DNAH10: variants seen among roughly 807,000 people sequenced by gnomAD.
The protein encoded by DNAH10 is dynein axonemal heavy chain 10, also known as axonemal beta dynein heavy chain 10.
DNAH10 carries 348 observed loss-of-function variants against 506.6 expected under a neutral mutation model. The ratio of observed to expected loss-of-function variants is 0.69; its 90% CI spans 0.63 to 0.75. The LOEUF (loss-of-function observed/expected upper bound fraction) is 0.75, where lower values mean the gene tolerates loss of function less well. Among genes scored for constraint, DNAH10 ranks in the 30% least tolerant of loss-of-function variants. DNAH10 has a pLI of 0.00. For missense variants in DNAH10, 5,179 were observed against 5,787.1 expected, an observed-to-expected ratio of 0.89 and a Z score of 3.41; for synonymous variants, 2,059 against 2,198.6, an observed-to-expected ratio of 0.94 and a Z score of 1.78.
chr12:123,808,719 T>G (rs1958810069), intron 18 of DNAH10, 78 bp from the exon 19 acceptor site: 1 of 1,512,712 alleles, frequency 6.6e-7, no homozygotes, highest in African/African-American at 1.4e-5. Flanking sequence ...TTTGTGGCCC[T>G]GGTCATTTCC....
In DNAH10 at chr12:123,771,461, T is replaced by G. The variant is rs1280673101; in HGVS notation, c.299-140T>G. On this transcript the variant is annotated intron_variant, in intron 2 of 78. Transcript: ENST00000673944. Reference sequence around the variant, plus strand: ...GAGTCAAGGCCACAATTTGATTGATTGGAACAGAAGGTATGCACAGCTATT... The same window carrying G: ...GAGTCAAGGCCACAATTTGATTGATGGGAACAGAAGGTATGCACAGCTATT... The G allele has an allele frequency of 1.1e-5, 8 of 699,836 alleles. No homozygotes were observed. The East Asian group carries it at 2.2e-4, about 19-fold the overall frequency. 43.4% of individuals were successfully genotyped at this position (699,836 alleles called of 1,614,324 possible).
intron 30 of DNAH10, among the ~76,000 whole-genome samples, chr12:123,842,067 G>C (rs887215392): frequency 2.6e-5 from 4 of 152,208 alleles, no homozygotes; most frequent in African/African-American, 9.6e-5. Flanking sequence ...CTCAAAGTGT[G>C]CCCCCTGGTG....
intron 10 of DNAH10, among the ~76,000 whole-genome samples, chr12:123,788,924 CAAAA>C (rs1200548876): frequency 1.2e-4 from 8 of 66,602 alleles, no homozygotes; most frequent in Non-Finnish European, 1.2e-4. Context: ...GACCTTGCTT[CAAAA>C]AAAAAAAAAA....
chr12:123,896,128 CACACACACACACACACACACAGAGAGAG>C (rs1192256197), intron 54 of DNAH10, among the ~76,000 whole-genome samples: 2,012 of 115,024 alleles, frequency 0.017, 48 homozygotes, highest in African/African-American at 0.07. Flanking sequence ...CACACACACA[CACACACACACACACACACACAGAGAGAG>C]AGAGAGAGAG....
intron 41 of DNAH10, among the ~76,000 whole-genome samples, chr12:123,866,403 C>G (rs1951812633): frequency 6.6e-6 from 1 of 151,734 alleles, no homozygotes; most frequent in Admixed American, 6.6e-5. Context: ...GCCACCACGA[C>G]CGGCTAATTT....
intron 36 of DNAH10, among the ~76,000 whole-genome samples, 157 bp from the exon 37 acceptor site, chr12:123,856,899 A>G (rs976578049): frequency 6.6e-6 from 1 of 150,694 alleles, no homozygotes; most frequent in Non-Finnish European, 1.5e-5. Context: ...AAATTATGTA[A>G]TTTTAAATGT....
intron 54 of DNAH10, 47 bp from the exon 55 acceptor site, chr12:123,897,723 T>C (rs755828706): frequency 6.3e-7 from 1 of 1,587,134 alleles, no homozygotes; most frequent in South Asian, 1.2e-5. Flanking sequence ...AGACCCTGTG[T>C]CGAAAAAGAA....
intron 51 of DNAH10, among the ~76,000 whole-genome samples, chr12:123,886,930 C>T (rs370297765): frequency 9.8e-4 from 149 of 152,268 alleles, no homozygotes; most frequent in African/African-American, 3.5e-3. Flanking sequence ...GTACATTCTT[C>T]CCCCCTTTCC....
chr12:123,903,365 C>CCCAG lies in DNAH10; in HGVS notation c.9815+253_9815+256dup, dbSNP rs1471799006. Among the ~76,000 whole-genome samples, 2 of 152,202 alleles carry CCCAG rather than the reference C, an allele frequency of 1.3e-5. No homozygotes were observed. Among genetic ancestry groups the CCCAG allele is most frequent in the Non-Finnish European group, 2.9e-5 (2 of 68,034 alleles). On this transcript the variant is annotated intron_variant, in intron 57 of 78. Coordinates refer to ENST00000673944, the MANE Select transcript of DNAH10 (RefSeq NM_001372106.1). The surrounding 1 kb of genome is among the most constrained non-coding windows in gnomAD (Gnocchi z 4.6). ...GGAAGCAGGGCCTGCTGACCTTGAA[C>CCCAG]CCAGGCCAAGGGAAGGATGGAGTGG...
At chr12:123,856,972 GTGTTACCAC>G in intron 36 of DNAH10, 75 bp from the exon 37 acceptor site, 1 of 958,788 alleles carries the variant, frequency 1.0e-6, no homozygotes, top group Non-Finnish European at 1.5e-6. Context: ...TTTCATAAGA[GTGTTACCAC>G]TGGGTTGGAA....
Position 123,762,417 on chromosome 12 carries a change from C to T in DNAH10, c.81C>T (p.Asp27=). 7.1e-7 allele frequency: 1 copy of T among 1,413,582 alleles called. No homozygotes were observed. 87.6% of individuals were successfully genotyped at this position (1,413,582 alleles called of 1,614,324 possible). ...TCACCGACCCCCAGCTTTTCGAGGA[C>T]CTGCTCAACCGCGACGACGGCCAGG... ...FGITDPQLFE[D]LLNRDDGQGE... The change falls in exon 1 of 79, where the codon GAC becomes GAT. Residue 27 remains aspartate (D), a synonymous_variant. Coordinates refer to ENST00000673944, the MANE Select transcript of DNAH10 (RefSeq NM_001372106.1). The surrounding 1 kb of genome is among the most constrained non-coding windows in gnomAD (Gnocchi z 5.0).
intron 54 of DNAH10, among the ~76,000 whole-genome samples, chr12:123,896,126 CACACACACACACACACACACACAG>C (rs1953211190): frequency 9.5e-6 from 1 of 105,174 alleles, no homozygotes; most frequent in African/African-American, 5.3e-5. Context: ...CACACACACA[CACACACACACACACACACACACAG>C]AGAGAGAGAG....
intron 48 of DNAH10, among the ~76,000 whole-genome samples, chr12:123,878,264 C>G (rs937058044): frequency 3.9e-5 from 6 of 152,118 alleles, no homozygotes; most frequent in Admixed American, 3.9e-4. Context: ...GGATGTGTGT[C>G]TTTATGAGAA....
chr12:123,802,217 G>T (rs1361129985), intron 16 of DNAH10, among the ~76,000 whole-genome samples: 1 of 152,216 alleles, frequency 6.6e-6, no homozygotes, highest in African/African-American at 2.4e-5. Flanking sequence ...ACAGGGTTTT[G>T]TGTGACAGGA....
At chr12:123,873,856 C>A in intron 46 of DNAH10, 146 bp downstream of exon 46, 1 of 1,086,588 alleles carries the variant, frequency 9.2e-7, no homozygotes, top group Non-Finnish European at 1.2e-6. Context: ...GGGGAGCCAG[C>A]CTAAGGCAGA....
rs766482705 is a variant in DNAH10, at chr12:123,851,007, C to T, written c.6222C>T (p.Val2074=). The change falls in exon 35 of 79, where the codon GTC becomes GTT. Residue 2074 remains valine (V), a synonymous_variant. Coordinates refer to ENST00000673944, the MANE Select transcript of DNAH10 (RefSeq NM_001372106.1). Reference sequence around the variant, plus strand: ...TGAAGGCGCTGTTCAGGCCTGTGGTCGTGATCGTGCCCGACCTGCAGCAGA... The same window carrying T: ...TGAAGGCGCTGTTCAGGCCTGTGGTTGTGATCGTGCCCGACCTGCAGCAGA... ...ESVKALFRPV[V]VIVPDLQQIC... 21 of 1,613,662 alleles carry T rather than the reference C, an allele frequency of 1.3e-5. No homozygotes were observed. The highest frequency in any genetic ancestry group is 1.5e-5 in the Non-Finnish European group (18 of 1,179,768).
Position 123,850,993 on chromosome 12 carries a change from T to C in DNAH10, c.6208T>C (p.Phe2070Leu). Residue 2070 changes from phenylalanine to leucine, a missense_variant, in exon 35 of 79, where the codon TTC (phenylalanine) becomes CTC (leucine). Physicochemically the swap from Phe to Leu is conservative, Grantham distance 22. This residue lies in a region of DNAH10 where 4,844 missense variants were observed against 5,430.5 expected (regional missense o/e 0.89). Transcript: ENST00000673944. This position sits in a 1 kb window ranked among gnomAD's most constrained non-coding sequence, Gnocchi z 5.5. ...GCTGCCCGAGTCGGTGAAGGCGCTG[T>C]TCAGGCCTGTGGTCGTGATCGTGCC... ...TELPESVKAL[F>L]RPVVVIVPDL... The C allele has an allele frequency of 6.2e-7, 1 of 1,614,060 alleles. No individual in the cohort carries two copies. Among genetic ancestry groups the C allele is most frequent in the Non-Finnish European group, 8.5e-7 (1 of 1,179,926 alleles).
In DNAH10 at chr12:123,785,980, C is replaced by T; in HGVS notation, c.1421+44C>T. 1 of 1,571,606 alleles carries T rather than the reference C, an allele frequency of 6.4e-7. No homozygotes were observed. Among genetic ancestry groups the T allele is most frequent in the East Asian group, 2.3e-5 (1 of 44,172 alleles). On this transcript the variant is annotated intron_variant, in intron 9 of 78. Coordinates refer to ENST00000673944, the MANE Select transcript of DNAH10 (RefSeq NM_001372106.1). The surrounding 1 kb of genome is among the most constrained non-coding windows in gnomAD (Gnocchi z 4.1). ...CATTTTTTTGTTTTGTTTTGTTTCA[C>T]TTTTTACTTTTTAGATCTTAAACAG...
chr12:123,919,018 G>A lies in DNAH10; in HGVS notation c.11506+69G>A, dbSNP rs936630712. On this transcript the variant is annotated intron_variant, in intron 65 of 78. Coordinates refer to ENST00000673944, the MANE Select transcript of DNAH10 (RefSeq NM_001372106.1). This position sits in a 1 kb window ranked among gnomAD's most constrained non-coding sequence, Gnocchi z 4.9. ...GTGCCAGACGTGGCTTTAAGGAAAC[G>A]TGATCTGTGAAAATGGAAAGTTACC... 6.2e-6 allele frequency: 9 copies of A among 1,444,894 alleles called. No individual in the cohort carries two copies. The highest frequency in any genetic ancestry group is 2.9e-5 in the African/African-American group (2 of 70,058). The allele number at this position is 1,444,894 out of a possible 1,614,324, so 89.5% of individuals were successfully genotyped here. A position where few individuals can be genotyped will look rare whatever the true frequency, so the allele number is the denominator to read the frequency against.
Sources: gnomAD v4.1 joint callset for allele counts (sites outside exome capture counted in the v4.1 genomes callset) on GRCh38, gnomAD v4.1.1 for gene constraint, gnomAD v4.1.1 regional missense constraint, Gnocchi (gnomAD v3.1) non-coding constraint, MANE v1.5 for transcripts, NCBI Gene and HGNC (gene_info 2026-07-23, HGNC 2026-07-21) for gene names.